The following ETV1 variants were observed in gnomAD, a reference collection of about 807,000 sequenced individuals.
The protein encoded by ETV1 is ETS variant transcription factor 1, also known as ETS translocation variant 1.
Under a neutral mutation model 62.3 loss-of-function variants are expected in ETV1, and 27 were observed. That is an observed-to-expected ratio of 0.43 (90% CI 0.32 to 0.60). The LOEUF (loss-of-function observed/expected upper bound fraction) is 0.60. ETV1 is among the 20% of genes least tolerant of loss of function. ETV1 has a pLI of 0.06. For synonymous variants in ETV1, 222 were observed against 199.6 expected, an observed-to-expected ratio of 1.11 and a Z score of -0.94; for missense variants, 605 against 605.8, an observed-to-expected ratio of 1.00 and a Z score of 0.01.
In ETV1 at chr7:13,986,663, T is replaced by A. The variant is rs772517181; in HGVS notation, c.156A>T (p.Gln52His). ...CTTCTGCAAGCCATGTTTCCTGTAATTGACTTAGATCTTGAAAGAGTTCTA... is the reference window on the plus strand; with the variant it reads ...CTTCTGCAAGCCATGTTTCCTGTAAATGACTTAGATCTTGAAAGAGTTCTA... ...DSEELFQDLS[Q>H]LQETWLAEAQ... is the part of the protein sequence containing the mutation. Residue 52 changes from glutamine to histidine, a missense_variant, in exon 5 of 14, where the codon CAA (glutamine) becomes CAT (histidine). By Grantham distance (24) the Gln-to-His change is conservative. Coordinates refer to ENST00000430479, the MANE Select transcript of ETV1 (RefSeq NM_004956.5). 6.2e-7 allele frequency: 1 copy of A among 1,612,362 alleles called. No homozygotes were observed. Among genetic ancestry groups the A allele is most frequent in the Non-Finnish European group, 8.5e-7 (1 of 1,179,352 alleles).
chr7:13,961,685 C>A (rs1455023183), intron 6 of ETV1, among the ~76,000 whole-genome samples: 1 of 152,046 alleles, frequency 6.6e-6, no homozygotes, highest in Non-Finnish European at 1.5e-5. Flanking sequence ...ATTAGGGTGT[C>A]CTTGATTGGC....
At chr7:13,947,264 A>AGATGATG (rs1788272258) in intron 6 of ETV1, among the ~76,000 whole-genome samples, 1 of 152,176 alleles carries the variant, frequency 6.6e-6, no homozygotes, top group South Asian at 2.1e-4. Context: ...TTTACAGTGA[A>AGATGATG]GATGATGGAT....
chr7:13,894,520 T>C lies in ETV1; in HGVS notation c.*1346A>G, dbSNP rs933860570. 1 of 232,736 alleles carries C rather than the reference T, an allele frequency of 4.3e-6. No individual in the cohort carries two copies. Among genetic ancestry groups the C allele is most frequent in the Non-Finnish European group, 8.5e-6 (1 of 117,478 alleles). The allele number at this position is 232,736 out of a possible 1,614,324, so 14.4% of individuals were successfully genotyped here. On this transcript the variant is annotated 3_prime_UTR_variant, in exon 14 of 14. Coordinates refer to ENST00000430479, the MANE Select transcript of ETV1 (RefSeq NM_004956.5). Reference sequence around the variant, plus strand: ...TTGACGGTTTGTAAATAATTTTCCATATCACCAAAAGTTACAAAAGGTTCC... The same window carrying C: ...TTGACGGTTTGTAAATAATTTTCCACATCACCAAAAGTTACAAAAGGTTCC...
intron 7 of ETV1, among the ~76,000 whole-genome samples, chr7:13,938,408 C>A (rs571440249): frequency 1.6e-4 from 25 of 152,286 alleles, no homozygotes; most frequent in Middle Eastern, 3.4e-3. Context: ...TGTAAGTTTG[C>A]AAACTAACTT....
intron 9 of ETV1, among the ~76,000 whole-genome samples, chr7:13,914,752 C>T (rs1783966612): frequency 1.3e-5 from 2 of 152,104 alleles, no homozygotes; most frequent in South Asian, 4.1e-4. Context: ...TGAATTTGCA[C>T]ATTTAAAATT....
rs1267189778 is a variant in ETV1 at position 13,891,280 on chromosome 7, T to C, written c.*4586A>G. ...GATTTAAATTTTGAGCATATTTAAT[T>C]TGCTATAATCATGATTTTCATAGCA... is the stretch of plus-strand genomic sequence containing the variant. On this transcript the variant is annotated 3_prime_UTR_variant, in exon 14 of 14. Coordinates refer to ENST00000430479, the MANE Select transcript of ETV1 (RefSeq NM_004956.5). The C allele has an allele frequency of 1.3e-5, 3 of 228,340 alleles. No individual in the cohort carries two copies. The highest frequency in any genetic ancestry group is 2.6e-5 in the Non-Finnish European group (3 of 115,178). 14.1% of individuals were successfully genotyped at this position (228,340 alleles called of 1,614,324 possible). A position where few individuals can be genotyped will look rare whatever the true frequency, so the allele number is the denominator to read the frequency against.
intron 13 of ETV1, among the ~76,000 whole-genome samples, chr7:13,898,196 A>G (rs191887992): frequency 3.3e-5 from 5 of 152,230 alleles, no homozygotes; most frequent in African/African-American, 1.2e-4. Flanking sequence ...AACGTGCAAA[A>G]TGCTGTACAT....
intron 13 of ETV1, among the ~76,000 whole-genome samples, chr7:13,896,746 A>AAGAAAGAAAGAAAG (rs1781852764): frequency 7.5e-6 from 1 of 133,670 alleles, no homozygotes; most frequent in Non-Finnish European, 1.6e-5. Flanking sequence ...AAAGAAAGGA[A>AAGAAAGAAAGAAAG]AGAAAGAAAG....
chr7:13,920,162 C>T (rs1297819338), intron 9 of ETV1, among the ~76,000 whole-genome samples: 3 of 152,134 alleles, frequency 2.0e-5, no homozygotes, highest in Non-Finnish European at 2.9e-5. Context: ...CCCTTTCCTG[C>T]CTGTAAAATC....
chr7:13,902,517 G>C (rs1361385187), intron 12 of ETV1, among the ~76,000 whole-genome samples: 4 of 150,666 alleles, frequency 2.7e-5, no homozygotes, highest in Non-Finnish European at 4.4e-5. Flanking sequence ...AATTGAAGCG[G>C]GGGTGGGGGC....
chr7:13,977,382 C>A (rs2066977), intron 6 of ETV1, 45 bp downstream of exon 6: 3 of 1,299,220 alleles, frequency 2.3e-6, no homozygotes, highest in African/African-American at 3.0e-5. Context: ...AAGAAGGAAA[C>A]CAGAAAGACA....
intron 13 of ETV1, among the ~76,000 whole-genome samples, chr7:13,896,595 C>G (rs1419298687): frequency 6.7e-6 from 1 of 149,322 alleles, no homozygotes; most frequent in African/African-American, 2.5e-5. Context: ...TAGTAATTCA[C>G]TGATTCACAG....
intron 9 of ETV1, among the ~76,000 whole-genome samples, chr7:13,924,989 C>G (rs1476899186): frequency 6.6e-6 from 1 of 152,160 alleles, no homozygotes; most frequent in Non-Finnish European, 1.5e-5. Context: ...CAGGAGTGGC[C>G]TTAAGAAACA....
chr7:13,929,352 T>C (rs1562631447), intron 9 of ETV1, among the ~76,000 whole-genome samples: 1 of 152,194 alleles, frequency 6.6e-6, no homozygotes, highest in African/African-American at 2.4e-5. Flanking sequence ...TCTTAAATTA[T>C]AAATCGGCCA....
intron 13 of ETV1, among the ~76,000 whole-genome samples, chr7:13,899,192 G>A (rs1170682045): frequency 6.6e-6 from 1 of 152,190 alleles, no homozygotes; most frequent in South Asian, 2.1e-4. Context: ...GCATTAGGAA[G>A]ATGGTGGTGA....
At chr7:13,931,260 T>TA (rs1286603238) in intron 9 of ETV1, among the ~76,000 whole-genome samples, 1 of 152,216 alleles carries the variant, frequency 6.6e-6, no homozygotes, top group Admixed American at 6.5e-5. Flanking sequence ...CATAATTCTG[T>TA]AAAGTGTATT....
intron 3 of ETV1, 174 bp downstream of exon 3, chr7:13,988,834 G>C (rs749585865): frequency 5.5e-5 from 88 of 1,598,062 alleles, no homozygotes; most frequent in Non-Finnish European, 7.3e-5. Context: ...TCACTGAAAG[G>C]TAAGCTCATT....
At chr7:13,938,768 T>C (rs1446651774) in intron 7 of ETV1, among the ~76,000 whole-genome samples, 1 of 152,226 alleles carries the variant, frequency 6.6e-6, no homozygotes, top group Non-Finnish European at 1.5e-5. Flanking sequence ...TGCCAAATGT[T>C]TCATTTTTTT....
intron 6 of ETV1, among the ~76,000 whole-genome samples, chr7:13,969,085 G>A (rs1334991175): frequency 6.6e-6 from 1 of 152,158 alleles, no homozygotes; most frequent in Non-Finnish European, 1.5e-5. Context: ...TGGAACAGTA[G>A]AACATCTAAT....
Sources: allele counts gnomAD v4.1 joint callset (sites outside exome capture counted in the v4.1 genomes callset), GRCh38; gene constraint gnomAD v4.1.1; transcripts MANE v1.5; gene names NCBI Gene and HGNC (gene_info 2026-07-23, HGNC 2026-07-21).